The following COL20A1 variants were observed in gnomAD, a reference collection of about 807,000 sequenced individuals.
The protein encoded by COL20A1 is collagen alpha-1(XX) chain.
COL20A1 carries 164 observed loss-of-function variants against 152.9 expected under a neutral mutation model. The ratio of observed to expected loss-of-function variants is 1.07; its 90% confidence interval spans 0.94 to 1.22. The LOEUF (loss-of-function observed/expected upper bound fraction) is 1.22. COL20A1 is among the 50% of genes most tolerant of loss of function. COL20A1 has a pLI of 0.00. For synonymous variants in COL20A1, 864 were observed against 756.0 expected (o/e 1.14, Z -2.34); for missense variants, 1,873 against 1,744.8 (o/e 1.07, Z -1.31).
rs188732284 is a variant in COL20A1 at position 63,308,072 on chromosome 20, G to A, written c.757G>A (p.Gly253Arg). The A allele has an allele frequency of 5.1e-4, 815 of 1,611,664 alleles. No homozygotes were observed. In the African/African-American group the frequency reaches 9.7e-3, roughly 19 times the overall value. The change falls in exon 7 of 36, where the codon GGG becomes AGG. Residue 253 changes from glycine (G) to arginine (R), a missense_variant. By Grantham distance (125) the Gly-to-Arg change is moderately radical. Coordinates refer to ENST00000358894, the MANE Select transcript of COL20A1 (RefSeq NM_020882.4). ...AGCTGTGCGCCGCCTCCGCTACAAG[G>A]GGGGGAACACGTTCACAGGTACGGC... ...LAAVRRLRYKGGNTFTGLALT... is the reference protein window; with the variant it reads ...LAAVRRLRYKRGNTFTGLALT...
At chr20:63,318,940 C>T in intron 21 of COL20A1, 118 bp from the exon 22 acceptor site, 1 of 782,332 alleles carries the variant, frequency 1.3e-6, no homozygotes, top group Non-Finnish European at 2.2e-6. Context: ...TCCACCATGA[C>T]CCTCAGAGCA....
chr20:63,312,049 G>A lies in COL20A1; in HGVS notation c.1797G>A (p.Ser599=), dbSNP rs765597744. 5.7e-5 allele frequency: 90 copies of A among 1,574,816 alleles called. No homozygotes were observed. The highest frequency in any genetic ancestry group is 1.1e-4 in the African/African-American group (8 of 73,798). ...ATGTGTCCAGCGAGGGTGGACACTC[G>A]GGGCAGGTGAGAGCAGAGCCCTCCG... ...VTYVSSEGGH[S]GQTEAPGNAT... is the part of the protein sequence containing the mutation. Residue 599 remains serine (S), a synonymous_variant, in exon 14 of 36, where the codon TCG becomes TCA. Coordinates refer to ENST00000358894, the MANE Select transcript of COL20A1 (RefSeq NM_020882.4).
At chr20:63,308,260 C>G (rs1166189119) in intron 7 of COL20A1, among the ~76,000 whole-genome samples, 170 bp downstream of exon 7, 1 of 152,206 alleles carries the variant, frequency 6.6e-6, no homozygotes, top group African/African-American at 2.4e-5. Flanking sequence ...TTGATGAAAA[C>G]GAGGGCCTGT....
In COL20A1 at chr20:63,317,645, G is replaced by A. The variant is rs370426121; in HGVS notation, c.2663+954G>A. On this transcript the variant is annotated intron_variant, in intron 21 of 35. Coordinates refer to ENST00000358894, the MANE Select transcript of COL20A1 (RefSeq NM_020882.4). ...CGGCCCATGTGCTATGCTCGGCCCT[G>A]GCCCCCTGGTCACCACGGTGTCTTC... Among the ~76,000 whole-genome samples the A allele has an allele frequency of 2.0e-5, 3 of 152,092 alleles. No homozygotes were observed. In the South Asian group the frequency reaches 6.2e-4, roughly 32 times the overall value.
chr20:63,328,190 C>A, intron 33 of COL20A1, 63 bp downstream of exon 33: 2 of 1,595,826 alleles, frequency 1.3e-6, no homozygotes, highest in South Asian at 1.1e-5. Flanking sequence ...CCACACCTGT[C>A]TGTCCTCACA....
At position 63,311,504 on chromosome 20, in the gene COL20A1, C is replaced by T. The variant is rs1488647960; in HGVS notation, c.1504C>T (p.Pro502Ser). 1.3e-6 allele frequency: 2 copies of T among 1,585,906 alleles called. No individual in the cohort carries two copies. Among genetic ancestry groups the T allele is most frequent in the Non-Finnish European group, 1.7e-6 (2 of 1,166,686 alleles). Residue 502 changes from proline (P) to serine (S), a missense_variant, in exon 12 of 36, where the codon CCT becomes TCT. Transcript: ENST00000358894. This position sits in a 1 kb window ranked among gnomAD's most constrained non-coding sequence, Gnocchi z 4.4. ...CACCCACTACCTGGTGCGATGTTCT[C>T]CTGCTTCCCCCAAGGGTGAAGAGGA... ...GATHYLVRCS[P>S]ASPKGEEEER...
Position 63,307,569 on chromosome 20 carries a change from CA to C in COL20A1, c.577del (p.Ser193ValfsTer26), listed in dbSNP as rs1274054739. 3 of 1,612,582 alleles carry C rather than the reference CA, an allele frequency of 1.9e-6. No individual in the cohort carries two copies. The East Asian group carries it at 6.7e-5, about 36-fold the overall frequency. On this transcript the variant is annotated frameshift_variant, in exon 6 of 36. Coordinates refer to ENST00000358894, the MANE Select transcript of COL20A1 (RefSeq NM_020882.4). LOFTEE classifies it high-confidence loss of function. ...TGGACGGGTCCTGGAGCATTGGCCACAGTCACTTCCAGCAGGTCAAGGACTT... is the reference window on the plus strand; with the variant it reads ...TGGACGGGTCCTGGAGCATTGGCCACGTCACTTCCAGCAGGTCAAGGACTT... ...LVDGSWSIGH[S>X]HFQQVKDFLA...
At position 63,312,838 on chromosome 20, in the gene COL20A1, G is replaced by T. The variant is rs767429511; in HGVS notation, c.1980G>T (p.Gly660=). The part of the protein sequence containing the change: ...PSQLSMTELP[G]DAVQLAWVAA... ...AGCTGTCCATGACGGAGCTGCCAGG[G>T]GATGCAGTCCAGCTGGCGTGGGTGG... The change falls in exon 16 of 36, where the codon GGG becomes GGT. Residue 660 remains glycine (G), a synonymous_variant. Transcript: ENST00000358894. 4 of 1,561,014 alleles carry T rather than the reference G, an allele frequency of 2.6e-6. No homozygotes were observed. The highest frequency in any genetic ancestry group is 1.9e-5 in the Admixed American group (1 of 52,928).
Position 63,308,157 on chromosome 20 carries a change from C to T in COL20A1, c.775+67C>T. On this transcript the variant is annotated intron_variant, in intron 7 of 35. Transcript: ENST00000358894. The stretch of plus-strand genomic sequence containing the variant: ...CCTCCTTCTGCCGCCCTCCCAGATC[C>T]CGAAAGCTTGTGTGTAAATCGAGCT... 2.5e-6 allele frequency: 4 copies of T among 1,579,038 alleles called. No individual in the cohort carries two copies. The Admixed American group carries it at 7.1e-5, about 28-fold the overall frequency.
At position 63,313,168 on chromosome 20, in the gene COL20A1, C is replaced by T. The variant is rs771478111; in HGVS notation, c.2128C>T (p.His710Tyr). Residue 710 changes from histidine to tyrosine, a missense_variant, in exon 17 of 36, where the codon CAC (histidine) becomes TAC (tyrosine). By Grantham distance (83) the His-to-Tyr change is moderately conservative. Coordinates refer to ENST00000358894, the MANE Select transcript of COL20A1 (RefSeq NM_020882.4). This position sits in a 1 kb window ranked among gnomAD's most constrained non-coding sequence, Gnocchi z 5.9. ...GGCCGTCCTGCCTGGCCTAGGGAGG[C>T]ACACAGAGTACGACGTCACCATCTT... ...GTAVLPGLGRHTEYDVTILAY... is the reference protein window; with the variant it reads ...GTAVLPGLGRYTEYDVTILAY... 1.9e-6 allele frequency: 3 copies of T among 1,612,432 alleles called. No homozygotes were observed. Among genetic ancestry groups the T allele is most frequent in the East Asian group, 4.5e-5 (2 of 44,874 alleles).
intron 19 of COL20A1, 24 bp downstream of exon 19, chr20:63,314,225 A>C (rs1568778428): frequency 6.5e-7 from 1 of 1,544,976 alleles, no homozygotes; most frequent in South Asian, 1.2e-5. Context: ...AAGACCCCAG[A>C]CCCAGGTAGA....
At chr20:63,329,683 C>G in intron 35 of COL20A1, 22 bp downstream of exon 35, 1 of 1,504,462 alleles carries the variant, frequency 6.6e-7, no homozygotes, top group Middle Eastern at 1.8e-4. Context: ...CTGCCTGCAT[C>G]TATCTGCCAA....
chr20:63,313,624 C>T lies in COL20A1; in HGVS notation c.2210-119C>T. 1 of 969,180 alleles carries T rather than the reference C, an allele frequency of 1.0e-6. No individual in the cohort carries two copies. The highest frequency in any genetic ancestry group is 1.5e-6 in the Non-Finnish European group (1 of 672,778). 60.0% of individuals were successfully genotyped at this position (969,180 alleles called of 1,614,324 possible). A position where few individuals can be genotyped will look rare whatever the true frequency, so the allele number is the denominator to read the frequency against. On this transcript the variant is annotated intron_variant, in intron 17 of 35. Coordinates refer to ENST00000358894, the MANE Select transcript of COL20A1 (RefSeq NM_020882.4). This position sits in a 1 kb window ranked among gnomAD's most constrained non-coding sequence, Gnocchi z 5.9. ...GATGCGGGCTGTGGTAGGGGTGTGG[C>T]ATGATGTGGTGGAGGCATTACGCAG...
intron 3 of COL20A1, among the ~76,000 whole-genome samples, chr20:63,302,852 C>G (rs1489003909): frequency 6.6e-6 from 1 of 152,218 alleles, no homozygotes; most frequent in Non-Finnish European, 1.5e-5. Context: ...TCCTTCGTCT[C>G]TCCACCCTGT....
At chr20:63,296,986 G>A (rs375512644) in intron 2 of COL20A1, among the ~76,000 whole-genome samples, 8 of 152,232 alleles carry the variant, frequency 5.3e-5, no homozygotes, top group African/African-American at 1.4e-4. Context: ...AGAGCCCTGG[G>A]AGGTTGGCCA....
At position 63,319,240 on chromosome 20, in the gene COL20A1, G is replaced by C; in HGVS notation, c.2806+40G>C. The stretch of plus-strand genomic sequence containing the variant: ...GCGTCGCCCCCAGCAGTCAGGAGGA[G>C]TAGGGGCAGGGAGGCCCCAGAGCCC... On this transcript the variant is annotated intron_variant, in intron 22 of 35. Coordinates refer to ENST00000358894, the MANE Select transcript of COL20A1 (RefSeq NM_020882.4). The surrounding 1 kb of genome is among the most constrained non-coding windows in gnomAD (Gnocchi z 4.4). 6.3e-7 allele frequency: 1 copy of C among 1,594,934 alleles called. No homozygotes were observed. Among genetic ancestry groups the C allele is most frequent in the South Asian group, 1.1e-5 (1 of 88,604 alleles).
Position 63,305,613 on chromosome 20 carries a change from C to T in COL20A1, c.337+53C>T. ...CCCACTCCTCCAGGCCGGGTCCCAC[C>T]CTCCTCTGGGCTGGGGTCCCACCCT... On this transcript the variant is annotated intron_variant, in intron 4 of 35. Transcript: ENST00000358894. This position sits in a 1 kb window ranked among gnomAD's most constrained non-coding sequence, Gnocchi z 4.9. 1 of 1,527,454 alleles carries T rather than the reference C, an allele frequency of 6.5e-7. No individual in the cohort carries two copies. The highest frequency in any genetic ancestry group is 1.8e-4 in the Middle Eastern group (1 of 5,518). The allele number at this position is 1,527,454 out of a possible 1,614,324, so 94.6% of individuals were successfully genotyped here.
chr20:63,319,967 G>A lies in COL20A1; in HGVS notation c.2917-72G>A. 2 of 1,332,806 alleles carry A rather than the reference G, an allele frequency of 1.5e-6. No homozygotes were observed. Among genetic ancestry groups the A allele is most frequent in the Non-Finnish European group, 2.0e-6 (2 of 1,019,560 alleles). 82.6% of individuals were successfully genotyped at this position (1,332,806 alleles called of 1,614,324 possible). On this transcript the variant is annotated intron_variant, in intron 23 of 35. Coordinates refer to ENST00000358894, the MANE Select transcript of COL20A1 (RefSeq NM_020882.4). The surrounding 1 kb of genome is among the most constrained non-coding windows in gnomAD (Gnocchi z 4.4). ...GGATGGGTGTTACTCCCCAGCCCTG[G>A]CCTGGCCTTGGGGGCTCAGGTGGGC...
At chr20:63,330,610 G>C (rs1246586078) in intron 35 of COL20A1, 110 bp from the exon 36 acceptor site, 3 of 152,316 alleles carry the variant, frequency 2.0e-5, no homozygotes, top group Non-Finnish European at 4.4e-5. Flanking sequence ...GCAGTGTGCA[G>C]AGACCCAGGA....
Sources: gnomAD v4.1 joint callset for allele counts (sites outside exome capture counted in the v4.1 genomes callset) on GRCh38, gnomAD v4.1.1 for gene constraint, Gnocchi (gnomAD v3.1) non-coding constraint, MANE v1.5 for transcripts, NCBI Gene and HGNC (gene_info 2026-07-23, HGNC 2026-07-21) for gene names.